The following CHIC1 variants were observed in gnomAD, a reference collection of about 807,000 sequenced individuals.
CHIC1 encodes the protein cysteine-rich hydrophobic domain-containing protein 1.
A neutral mutation model predicts 18.5 loss-of-function variants in CHIC1; 7 were observed. That is an observed-to-expected ratio of 0.38 (90% CI 0.22 to 0.71). The LOEUF (loss-of-function observed/expected upper bound fraction) is 0.71. Ranked by LOEUF, CHIC1 falls within the 30% of genes least tolerant of loss-of-function variation. CHIC1 has a pLI of 0.49. For synonymous variants in CHIC1, 77 were observed against 73.5 expected, an observed-to-expected ratio of 1.05 and a Z score of -0.25; for missense variants, 159 against 176.9, an observed-to-expected ratio of 0.90 and a Z score of 0.57.
At chrX:73,674,689 T>G (rs2058052000) in intron 3 of CHIC1, among the ~76,000 whole-genome samples, 2 of 112,030 alleles carry the variant, frequency 1.8e-5, no homozygotes, top group Non-Finnish European at 3.8e-5. Context: ...AACCAGCTCC[T>G]GGATTCATTG....
intron 3 of CHIC1, among the ~76,000 whole-genome samples, chrX:73,670,698 C>A (rs1240284040): frequency 9.0e-6 from 1 of 110,840 alleles, no homozygotes; most frequent in African/African-American, 3.3e-5. Context: ...CTGTATCTTA[C>A]AGGTTTTGGT....
At chrX:73,581,263 G>A (rs1319789840) in intron 2 of CHIC1, among the ~76,000 whole-genome samples, 1 of 110,789 alleles carries the variant, frequency 9.0e-6, no homozygotes, top group African/African-American at 3.3e-5. Flanking sequence ...TGTTTACAGA[G>A]TCTCTTGCAT....
At chrX:73,658,248 GTTTTTTTTT>G (rs869309622) in intron 3 of CHIC1, among the ~76,000 whole-genome samples, 7 of 16,710 alleles carry the variant, frequency 4.2e-4, no homozygotes, top group African/African-American at 1.4e-3. Context: ...CTGGTCCTAG[GTTTTTTTTT>G]TTTTTTTTTT....
intron 3 of CHIC1, among the ~76,000 whole-genome samples, chrX:73,626,267 C>T (rs947445274): frequency 9.0e-6 from 1 of 111,554 alleles, no homozygotes; most frequent in Non-Finnish European, 1.9e-5. Flanking sequence ...TATTAAATGT[C>T]TTGAGGTAGT....
At chrX:73,572,784 C>G (rs1461569568) in intron 1 of CHIC1, among the ~76,000 whole-genome samples, 1 of 110,973 alleles carries the variant, frequency 9.0e-6, no homozygotes, top group Non-Finnish European at 1.9e-5. Context: ...CCTTTGCCCA[C>G]TTTTTGATGG....
rs1315753542 is a variant in CHIC1 at position 73,685,779 on chromosome X, C to T, written c.*4774C>T. On this transcript the variant is annotated 3_prime_UTR_variant, in exon 6 of 6. Coordinates refer to ENST00000373502, the MANE Select transcript of CHIC1 (RefSeq NM_001039840.4). The stretch of plus-strand genomic sequence containing the variant: ...GCTATGTTTTCTTTTTCAGTCAGGT[C>T]CTACAGAATGACTATTGCACTTGGT... 7 of 111,077 alleles carry T rather than the reference C, an allele frequency of 6.3e-5. No individual in the cohort carries two copies. In the South Asian group the frequency reaches 2.7e-3, roughly 42 times the overall value. The allele number at this position is 111,077 out of a possible 1,213,427, so 9.2% of individuals were successfully genotyped here.
At chrX:73,659,370 C>CTTTTTTTTT (rs149705423) in intron 3 of CHIC1, among the ~76,000 whole-genome samples, 35 of 35,182 alleles carry the variant, frequency 9.9e-4, no homozygotes, top group African/African-American at 3.7e-3. Context: ...TTCCCCTTTT[C>CTTTTTTTTT]TTTTTTTTTT....
chrX:73,616,428 T>C (rs898065048), intron 3 of CHIC1, among the ~76,000 whole-genome samples: 2 of 111,902 alleles, frequency 1.8e-5, no homozygotes, highest in Non-Finnish European at 3.8e-5. Context: ...TCGGTGGATC[T>C]ACCACTCAGG....
In CHIC1 at chrX:73,618,631, C is replaced by A. The variant is rs1022851115; in HGVS notation, c.507+34059C>A. Among the ~76,000 whole-genome samples the A allele has an allele frequency of 9.8e-5, 11 of 111,968 alleles. No individual in the cohort carries two copies. In the South Asian group the frequency reaches 3.4e-3, roughly 34 times the overall value. On this transcript the variant is annotated intron_variant, in intron 3 of 5. Coordinates refer to ENST00000373502, the MANE Select transcript of CHIC1 (RefSeq NM_001039840.4). ...GGTCTCACTTCCACCATGCCCCACC[C>A]CCAACAGCACCAAGTTGGTTTTCAG...
At chrX:73,633,058 C>T (rs138471130) in intron 3 of CHIC1, among the ~76,000 whole-genome samples, 2,024 of 111,170 alleles carry the variant, frequency 0.018, 57 homozygotes, top group African/African-American at 0.063. Flanking sequence ...TGAGCCACCG[C>T]GCCTGGCCGG....
At chrX:73,646,113 C>T (rs1399396080) in intron 3 of CHIC1, among the ~76,000 whole-genome samples, 7 of 111,592 alleles carry the variant, frequency 6.3e-5, no homozygotes, top group Admixed American at 9.5e-5. Context: ...TGTGGATATT[C>T]AGTTGTTCCA....
At chrX:73,600,537 G>A (rs1322413269) in intron 3 of CHIC1, among the ~76,000 whole-genome samples, 1 of 107,977 alleles carries the variant, frequency 9.3e-6, no homozygotes, top group Non-Finnish European at 1.9e-5. Flanking sequence ...AGAGTTTTTA[G>A]CATGAAGGGT....
intron 2 of CHIC1, among the ~76,000 whole-genome samples, chrX:73,578,265 A>G (rs1176887470): frequency 1.8e-5 from 2 of 110,942 alleles, no homozygotes; most frequent in African/African-American, 3.2e-5. Flanking sequence ...TCTTATGACA[A>G]TAATGTGAAC....
intron 3 of CHIC1, among the ~76,000 whole-genome samples, chrX:73,615,634 G>A (rs1248401859): frequency 9.0e-6 from 1 of 111,226 alleles, no homozygotes; most frequent in Non-Finnish European, 1.9e-5. Context: ...CGGTCTCTAG[G>A]CTGCTGGAAA....
intron 3 of CHIC1, among the ~76,000 whole-genome samples, chrX:73,672,476 T>C (rs1466028976): frequency 8.9e-6 from 1 of 112,376 alleles, no homozygotes; most frequent in Non-Finnish European, 1.9e-5. Flanking sequence ...TGGTGTGAGA[T>C]AGCATCTCAT....
At chrX:73,610,367 C>T (rs1277060488) in intron 3 of CHIC1, among the ~76,000 whole-genome samples, 2 of 107,870 alleles carry the variant, frequency 1.9e-5, no homozygotes, top group Non-Finnish European at 3.8e-5. Flanking sequence ...GATGCCCCAC[C>T]GTGCTTCTGC....
At chrX:73,638,728 G>A (rs1173807184) in intron 3 of CHIC1, among the ~76,000 whole-genome samples, 1 of 110,708 alleles carries the variant, frequency 9.0e-6, no homozygotes, top group East Asian at 2.9e-4. Context: ...CCCTCTTTGT[G>A]TCCCTGTGTT....
Position 73,563,379 on chromosome X carries a change from C to T in CHIC1, c.95C>T (p.Pro32Leu). The change falls in exon 1 of 6, where the codon CCG becomes CTG. Residue 32 changes from proline to leucine, a missense_variant. Pro to Leu is a moderately conservative substitution (Grantham distance 98). Transcript: ENST00000373502. ...GAAGCGGCAACGTCGTCGTCGTCGCCGTCGTCGTCGTCGTCGGTATCTGGG... is the reference window on the plus strand; with the variant it reads ...GAAGCGGCAACGTCGTCGTCGTCGCTGTCGTCGTCGTCGTCGGTATCTGGG... ...EEEAATSSSS[P>L]SSSSSVSGPD... 7.9e-6 allele frequency: 9 copies of T among 1,134,921 alleles called. No homozygotes were observed. The highest frequency in any genetic ancestry group is 1.1e-5 in the Non-Finnish European group (9 of 855,826). 93.5% of individuals were successfully genotyped at this position (1,134,921 alleles called of 1,213,427 possible).
chrX:73,675,989 G>C (rs1199246177), intron 3 of CHIC1, among the ~76,000 whole-genome samples: 1 of 111,033 alleles, frequency 9.0e-6, no homozygotes, highest in Non-Finnish European at 1.9e-5. Flanking sequence ...CTTCACTTAT[G>C]AAGCTCAGTT....
Sources: gnomAD v4.1 joint callset for allele counts (sites outside exome capture counted in the v4.1 genomes callset) on GRCh38, gnomAD v4.1.1 for gene constraint, MANE v1.5 for transcripts, NCBI Gene and HGNC (gene_info 2026-07-23, HGNC 2026-07-21) for gene names.